PABPC4L: variants seen among roughly 807,000 people sequenced by gnomAD.
PABPC4L encodes poly(A) binding protein cytoplasmic 4 like.
For missense variants in PABPC4L, 452 were observed against 451.4 expected (o/e 1.00, Z -0.01); for synonymous variants, 169 against 164.1 (o/e 1.03, Z -0.23).
the PABPC4L span, among the ~76,000 whole-genome samples, chr4:134,181,337 C>T: frequency 9.9e-5 from 15 of 151,850 alleles, no homozygotes; most frequent in African/African-American, 3.6e-4. Flanking sequence ...ATGTTAAATA[C>T]CCCCAACAGA....
At chr4:133,968,506 C>T in the PABPC4L span, among the ~76,000 whole-genome samples, 1 of 152,108 alleles carries the variant, frequency 6.6e-6, no homozygotes, top group Non-Finnish European at 1.5e-5. Flanking sequence ...AGTTCTTAAA[C>T]TTCACCATCA....
the PABPC4L span, among the ~76,000 whole-genome samples, chr4:134,004,598 T>C: frequency 1.3e-5 from 2 of 151,878 alleles, no homozygotes; most frequent in East Asian, 3.9e-4. Context: ...AATGCAGCAA[T>C]CCCACTACTG....
At chr4:134,051,092 T>C in the PABPC4L span, among the ~76,000 whole-genome samples, 1 of 152,122 alleles carries the variant, frequency 6.6e-6, no homozygotes, top group Non-Finnish European at 1.5e-5. Context: ...TCATAAAATG[T>C]AATAAAAAGT....
chr4:133,977,904 A>T, the PABPC4L span: 4 of 152,236 alleles, frequency 2.6e-5, no homozygotes, highest in Non-Finnish European at 5.9e-5. Context: ...TTCCATTTCT[A>T]TTAGAATAAA....
the PABPC4L span, among the ~76,000 whole-genome samples, chr4:134,185,065 A>C: frequency 6.6e-6 from 1 of 151,946 alleles, no homozygotes; most frequent in Admixed American, 6.6e-5. Flanking sequence ...TATTCTGGAT[A>C]ATAATCCTTT....
chr4:133,984,525 G>T, the PABPC4L span, among the ~76,000 whole-genome samples: 1 of 151,938 alleles, frequency 6.6e-6, no homozygotes, highest in Non-Finnish European at 1.5e-5. Context: ...CATGTAGGTA[G>T]ACTAGATAGT....
the PABPC4L span, among the ~76,000 whole-genome samples, chr4:134,175,441 TAATC>T: frequency 2.6e-5 from 4 of 152,134 alleles, no homozygotes; most frequent in South Asian, 4.1e-4. Flanking sequence ...ATTAATTAAT[TAATC>T]AATCAATTAA....
chr4:134,002,581 CA>C, the PABPC4L span, among the ~76,000 whole-genome samples: 143 of 151,862 alleles, frequency 9.4e-4, no homozygotes, highest in African/African-American at 3.4e-3. Context: ...ATTAATAACT[CA>C]AAAGTTTATA....
the PABPC4L span, among the ~76,000 whole-genome samples, chr4:134,036,375 A>G: frequency 6.6e-6 from 1 of 152,114 alleles, no homozygotes; most frequent in South Asian, 2.1e-4. Context: ...ACTGAGGATC[A>G]ACTTTGCTGC....
the PABPC4L span, among the ~76,000 whole-genome samples, chr4:134,052,840 ATG>A: frequency 1.3e-5 from 2 of 152,096 alleles, no homozygotes; most frequent in Non-Finnish European, 2.9e-5. Flanking sequence ...AGAAATAAAA[ATG>A]TGTGTGTGTG....
At chr4:134,089,842 A>G in the PABPC4L span, among the ~76,000 whole-genome samples, 2 of 152,052 alleles carry the variant, frequency 1.3e-5, no homozygotes, top group Admixed American at 6.6e-5. Flanking sequence ...GCCCCTGTGT[A>G]TAACCTGGGA....
At chr4:133,974,146 G>A in the PABPC4L span, among the ~76,000 whole-genome samples, 6 of 152,030 alleles carry the variant, frequency 3.9e-5, no homozygotes, top group Non-Finnish European at 2.9e-5. Flanking sequence ...GTATGCTACT[G>A]GCATAAGGAT....
At chr4:134,196,144 T>C (rs1729649530), downstream of PABPC4L, among the ~76,000 whole-genome samples, 1 of 151,442 alleles carries the variant, frequency 6.6e-6, no homozygotes, top group African/African-American at 2.4e-5. Context: ...TGTTTTGTTT[T>C]CAACTGTGAG....
At chr4:133,948,714 G>T in the PABPC4L span, among the ~76,000 whole-genome samples, 2 of 152,160 alleles carry the variant, frequency 1.3e-5, no homozygotes, top group Non-Finnish European at 2.9e-5. Context: ...CATCCTAGGG[G>T]AAATGGAACC....
At chr4:134,113,006 T>C in the PABPC4L span, among the ~76,000 whole-genome samples, 174 of 151,880 alleles carry the variant, frequency 1.1e-3, no homozygotes, top group African/African-American at 3.8e-3. Flanking sequence ...GTTTTAGTTT[T>C]TAACAAAAAA....
At chr4:134,185,392 T>C in the PABPC4L span, among the ~76,000 whole-genome samples, 7 of 151,960 alleles carry the variant, frequency 4.6e-5, no homozygotes, top group Admixed American at 3.3e-4. Flanking sequence ...CATAGGGAAA[T>C]CAATAAACGT....
At chr4:134,157,252 C>G in the PABPC4L span, among the ~76,000 whole-genome samples, 19 of 150,226 alleles carry the variant, frequency 1.3e-4, no homozygotes, top group South Asian at 3.1e-3. Context: ...TCAAAATTCA[C>G]AGAATGCTCT....
chr4:134,137,040 G>C, the PABPC4L span, among the ~76,000 whole-genome samples: 1 of 152,042 alleles, frequency 6.6e-6, no homozygotes, highest in South Asian at 2.1e-4. Flanking sequence ...AAAAATATCT[G>C]TACTGGAGTT....
the PABPC4L span, among the ~76,000 whole-genome samples, chr4:134,171,198 C>A: frequency 6.6e-6 from 1 of 152,094 alleles, no homozygotes; most frequent in Non-Finnish European, 1.5e-5. Flanking sequence ...TCACTGCAAC[C>A]TCCACCTCCC....
Sources: gnomAD v4.1 joint callset for allele counts (sites outside exome capture counted in the v4.1 genomes callset) on GRCh38, gnomAD v4.1.1 for gene constraint, MANE v1.5 for transcripts, NCBI Gene and HGNC (gene_info 2026-07-23, HGNC 2026-07-21) for gene names.